ZBBX: variants seen among roughly 807,000 people sequenced by gnomAD.
ZBBX encodes zinc finger B-box domain containing, also known as zinc finger B-box domain-containing protein 1.
Under a neutral mutation model 108.5 loss-of-function variants are expected in ZBBX, and 101 were observed. That is an observed-to-expected ratio of 0.93 (90% confidence interval 0.79 to 1.10). The LOEUF is 1.10. Ranked by LOEUF, ZBBX falls within the 50% of genes least tolerant of loss-of-function variation. The pLI, the probability that ZBBX is intolerant of heterozygous loss-of-function variation, is 0.00. For missense variants in ZBBX, 1,009 were observed against 941.4 expected (o/e 1.07, Z -0.94); for synonymous variants, 356 against 323.4 (o/e 1.10, Z -1.08).
At chr3:167,216,151 G>C in the ZBBX span, among the ~76,000 whole-genome samples, 1 of 151,722 alleles carries the variant, frequency 6.6e-6, no homozygotes, top group African/African-American at 2.4e-5. Context: ...GAGAAAGAAA[G>C]GGCATCCAAA....
intron 11 of ZBBX, among the ~76,000 whole-genome samples, chr3:167,323,306 G>A (rs1736806003): frequency 1.3e-5 from 2 of 151,024 alleles, no homozygotes; most frequent in East Asian, 3.9e-4. Context: ...CTGTGCTTGA[G>A]ATATAAACTC....
At chr3:167,282,156 T>G in intron 20 of ZBBX, 82 bp downstream of exon 20, 1 of 1,403,876 alleles carries the variant, frequency 7.1e-7, no homozygotes, top group Non-Finnish European at 9.6e-7. Flanking sequence ...GCTGGCTTGT[T>G]TTGTTAGCGC....
chr3:167,180,693 A>T, the ZBBX span, among the ~76,000 whole-genome samples: 1 of 152,230 alleles, frequency 6.6e-6, no homozygotes, highest in Non-Finnish European at 1.5e-5. Flanking sequence ...ACACTTTCCA[A>T]TGAAAATGCT....
rs1730181146 is a variant in ZBBX, at chr3:167,288,912, G to A, written c.1951C>T (p.Gln651Ter). 1 of 1,542,806 alleles carries A rather than the reference G, an allele frequency of 6.5e-7. No homozygotes were observed. Among genetic ancestry groups the A allele is most frequent in the Non-Finnish European group, 8.8e-7 (1 of 1,141,672 alleles). The change falls in exon 19 of 22, where the codon CAG becomes TAG. Residue 651 changes from glutamine (Q) to a stop codon, truncating the protein, a stop_gained. Transcript: ENST00000675490. LOFTEE classifies it high-confidence loss of function. Reference protein sequence around the residue: ...ADNAIVLGVLQGAQSPSSSRK... With the variant: ...ADNAIVLGVL Reference sequence around the variant, plus strand: ...CTTGATGATGGACTCTGAGCACCCTGCAGAACACCCAAGACAATTGCATTA... The same window carrying A: ...CTTGATGATGGACTCTGAGCACCCTACAGAACACCCAAGACAATTGCATTA...
chr3:167,261,546 G>C (rs1266819126), intron 20 of ZBBX, among the ~76,000 whole-genome samples: 1 of 151,900 alleles, frequency 6.6e-6, no homozygotes, highest in African/African-American at 2.4e-5. Flanking sequence ...GAGTTCACTG[G>C]AGTTGTGTAC....
rs13096767 is a variant in ZBBX at position 167,305,950 on chromosome 3, G to C, written c.1418C>G (p.Ala473Gly). ...GTCAAAATCTGTGTTTGAAGTTTCT[G>C]CTGTTAAAAACACACAGTTACAAAA... ...SSTYYKDNSK[A>G]ETSNTDFDNI... Residue 473 changes from alanine to glycine, a missense_variant and splice_region_variant, in exon 17 of 22, where the codon GCA (alanine) becomes GGA (glycine). Transcript: ENST00000675490. 614,196 of 1,509,194 alleles carry C rather than the reference G, an allele frequency of 0.41. 127,431 individuals are homozygous for C. Among genetic ancestry groups the C allele is most frequent in the Non-Finnish European group, 0.42 (472,066 of 1,128,050 alleles). The allele number at this position is 1,509,194 out of a possible 1,614,324, so 93.5% of individuals were successfully genotyped here.
chr3:167,252,497 T>G (rs2108366692), intron 20 of ZBBX, among the ~76,000 whole-genome samples: 1 of 152,064 alleles, frequency 6.6e-6, no homozygotes, highest in South Asian at 2.1e-4. Context: ...CACTGACTGT[T>G]GGGTTGATTA....
chr3:167,224,478 G>C, the ZBBX span, among the ~76,000 whole-genome samples: 1 of 151,888 alleles, frequency 6.6e-6, no homozygotes, highest in African/African-American at 2.4e-5. Context: ...TCTCAAAACA[G>C]TATGATAACT....
chr3:167,221,035 T>C, the ZBBX span, among the ~76,000 whole-genome samples: 2 of 151,786 alleles, frequency 1.3e-5, no homozygotes, highest in East Asian at 3.9e-4. Flanking sequence ...ATGAAAACTA[T>C]AAAATACTGG....
At chr3:167,182,020 A>C in the ZBBX span, among the ~76,000 whole-genome samples, 40 of 152,158 alleles carry the variant, frequency 2.6e-4, no homozygotes, top group African/African-American at 9.7e-4. Context: ...TATTAAACTT[A>C]GAGTGACACT....
intron 1 of ZBBX, among the ~76,000 whole-genome samples, chr3:167,400,794 C>T (rs1034351209): frequency 1.3e-5 from 2 of 151,924 alleles, no homozygotes; most frequent in African/African-American, 4.8e-5. Context: ...TCCAGAAAAG[C>T]GGGCCAACTC....
At chr3:167,227,044 C>T in the ZBBX span, among the ~76,000 whole-genome samples, 1 of 151,666 alleles carries the variant, frequency 6.6e-6, no homozygotes, top group African/African-American at 2.4e-5. Context: ...TTAACATCAC[C>T]CAGTGTGTCC....
downstream of ZBBX, among the ~76,000 whole-genome samples, chr3:167,238,794 T>A (rs1397669015): frequency 1.3e-5 from 2 of 152,220 alleles, no homozygotes; most frequent in South Asian, 4.1e-4. Flanking sequence ...CCTCGACTTA[T>A]AAGATTATAA....
the ZBBX span, among the ~76,000 whole-genome samples, chr3:167,210,719 A>C: frequency 6.6e-6 from 1 of 152,210 alleles, no homozygotes; most frequent in Admixed American, 6.5e-5. Flanking sequence ...TTCAGTGTAA[A>C]CCTTATAGGC....
intron 8 of ZBBX, among the ~76,000 whole-genome samples, chr3:167,358,263 C>G (rs931695023): frequency 6.6e-5 from 10 of 151,516 alleles, no homozygotes; most frequent in African/African-American, 2.4e-4. Flanking sequence ...CTATGCTAAG[C>G]GAAATAAGCC....
intron 20 of ZBBX, among the ~76,000 whole-genome samples, chr3:167,266,709 G>A (rs1188379375): frequency 3.3e-5 from 5 of 152,212 alleles, no homozygotes; most frequent in African/African-American, 1.2e-4. Context: ...CTTGATTGAC[G>A]TGAGTGGCAC....
At chr3:167,395,977 G>A (rs1162778827) in intron 1 of ZBBX, among the ~76,000 whole-genome samples, 1 of 151,906 alleles carries the variant, frequency 6.6e-6, no homozygotes, top group Admixed American at 6.6e-5. Flanking sequence ...AAGTATTTCT[G>A]TGTTTTATTT....
At chr3:167,367,416 T>G (rs1165880319) in intron 5 of ZBBX, among the ~76,000 whole-genome samples, 1 of 151,774 alleles carries the variant, frequency 6.6e-6, no homozygotes, top group East Asian at 1.9e-4. Flanking sequence ...AATAAAGATC[T>G]GAAAAATAAA....
downstream of ZBBX, among the ~76,000 whole-genome samples, chr3:167,235,555 G>C (rs1324441707): frequency 6.6e-6 from 1 of 151,182 alleles, no homozygotes; most frequent in Non-Finnish European, 1.5e-5. Flanking sequence ...CTTCTGGATA[G>C]AAAGCAATAC....
Sources: allele counts gnomAD v4.1 joint callset (sites outside exome capture counted in the v4.1 genomes callset), GRCh38; gene constraint gnomAD v4.1.1; transcripts MANE v1.5; gene names NCBI Gene and HGNC (gene_info 2026-07-23, HGNC 2026-07-21).